PRPF18: variants seen among roughly 807,000 people sequenced by gnomAD.
PRPF18 encodes the protein pre-mRNA-splicing factor 18.
A neutral mutation model predicts 46.5 loss-of-function variants in PRPF18; 38 were observed. That is an observed-to-expected ratio of 0.82 (90% confidence interval 0.63 to 1.07). PRPF18 has a LOEUF of 1.07. Among genes scored for constraint, PRPF18 ranks in the 50% least tolerant of loss-of-function variants. The pLI is 0.00. For synonymous variants in PRPF18, 152 were observed against 146.7 expected (o/e 1.04, Z -0.26); for missense variants, 263 against 410.0 (o/e 0.64, Z 3.10).
intron 9 of PRPF18, among the ~76,000 whole-genome samples, chr10:13,624,563 G>C (rs2080470256): frequency 6.6e-6 from 1 of 152,194 alleles, no homozygotes; most frequent in Non-Finnish European, 1.5e-5. Flanking sequence ...CAGAAAATCG[G>C]GTTGCTTTTG....
the PRPF18 span, among the ~76,000 whole-genome samples, chr10:13,636,335 T>C: frequency 1.3e-5 from 2 of 152,240 alleles, no homozygotes; most frequent in Non-Finnish European, 2.9e-5. Flanking sequence ...GGAAGGATTG[T>C]GTGAGCCCAG....
rs1450710809 is a variant in PRPF18 at position 13,604,581 on chromosome 10, A to C, written c.250-1050A>C. Among the ~76,000 whole-genome samples the C allele has an allele frequency of 2.0e-5, 3 of 152,350 alleles. No individual in the cohort carries two copies. The East Asian group carries it at 5.8e-4, about 29-fold the overall frequency. The stretch of plus-strand genomic sequence containing the variant: ...GGTATTACAATGCAGACTGTCCATT[A>C]TGGTAATTATCAGCTGGCTTCAGAT... On this transcript the variant is annotated intron_variant, in intron 3 of 9. Coordinates refer to ENST00000378572, the MANE Select transcript of PRPF18 (RefSeq NM_003675.4).
At chr10:13,596,305 T>C (rs2080034561) in intron 1 of PRPF18, among the ~76,000 whole-genome samples, 1 of 152,232 alleles carries the variant, frequency 6.6e-6, no homozygotes, top group African/African-American at 2.4e-5. Flanking sequence ...TCGTAGACGA[T>C]GGCTGGGTAA....
At chr10:13,623,261 A>C (rs930096084) in intron 9 of PRPF18, among the ~76,000 whole-genome samples, 6 of 152,228 alleles carry the variant, frequency 3.9e-5, no homozygotes, top group African/African-American at 1.4e-4. Context: ...GTTTTAATGC[A>C]TGACTACAAA....
At chr10:13,597,397 C>CT (rs961722204) in intron 1 of PRPF18, 61 bp from the exon 2 acceptor site, 4 of 1,148,848 alleles carry the variant, frequency 3.5e-6, no homozygotes, top group Non-Finnish European at 4.9e-6. Context: ...TATTTGTTGA[C>CT]TATGGGACAT....
At chr10:13,605,061 A>G (rs1440735062) in intron 3 of PRPF18, among the ~76,000 whole-genome samples, 1 of 152,206 alleles carries the variant, frequency 6.6e-6, no homozygotes, top group African/African-American at 2.4e-5. Context: ...TCAGTGATAA[A>G]ATTAATAACA....
the PRPF18 span, chr10:13,651,153 G>C: frequency 6.6e-6 from 1 of 152,246 alleles, no homozygotes; most frequent in African/African-American, 2.4e-5. Flanking sequence ...AGGTTCAGTA[G>C]GCCAGGGTGG....
chr10:13,654,056 C>G, the PRPF18 span: 2 of 440,030 alleles, frequency 4.5e-6, no homozygotes, highest in Non-Finnish European at 8.0e-6. Flanking sequence ...TCTCTTTCTC[C>G]CCCTGACATT....
chr10:13,623,735 T>A (rs369358703), intron 9 of PRPF18, among the ~76,000 whole-genome samples: 5 of 152,310 alleles, frequency 3.3e-5, no homozygotes, highest in African/African-American at 1.2e-4. Flanking sequence ...ATAAAAAAAT[T>A]GCTAATCTTT....
At chr10:13,608,590 C>A (rs2080224441) in intron 4 of PRPF18, among the ~76,000 whole-genome samples, 1 of 152,236 alleles carries the variant, frequency 6.6e-6, no homozygotes, top group African/African-American at 2.4e-5. Flanking sequence ...CTTTCACATG[C>A]AATTCAGTGA....
chr10:13,655,527 C>A, the PRPF18 span: 4 of 142,648 alleles, frequency 2.8e-5, no homozygotes. Context: ...TGGAGCTTGT[C>A]ATTTGGCCAG....
rs1422452821 is a variant in PRPF18, at chr10:13,611,612, C to A, written c.511-3C>A. ...AACAGAAGCATTGTTTCTTTTTCTT[C>A]AGGCGCTTGGAGAGTCCTTAGGGAA... On this transcript the variant is annotated splice_polypyrimidine_tract_variant and splice_region_variant and intron_variant, in intron 5 of 9. Coordinates refer to ENST00000378572, the MANE Select transcript of PRPF18 (RefSeq NM_003675.4). 1.7e-5 allele frequency: 28 copies of A among 1,612,336 alleles called. No individual in the cohort carries two copies. The highest frequency in any genetic ancestry group is 2.3e-5 in the Non-Finnish European group (27 of 1,179,018).
At chr10:13,650,139 A>C in the PRPF18 span, among the ~76,000 whole-genome samples, 1 of 152,220 alleles carries the variant, frequency 6.6e-6, no homozygotes, top group Non-Finnish European at 1.5e-5. Context: ...CCCACATCTC[A>C]CAGGGTTTTG....
chr10:13,591,862 G>A (rs374977574), intron 1 of PRPF18: 41 of 1,426,776 alleles, frequency 2.9e-5, no homozygotes, highest in Non-Finnish European at 3.6e-5. Flanking sequence ...GTGGAATCCA[G>A]TGAGGATGAT....
chr10:13,622,897 G>C (rs2080440325), intron 9 of PRPF18, among the ~76,000 whole-genome samples: 1 of 152,110 alleles, frequency 6.6e-6, no homozygotes, highest in South Asian at 2.1e-4. Flanking sequence ...CAATATATTT[G>C]TGTGAAAAGA....
At chr10:13,639,181 G>A in the PRPF18 span, 2 of 103,638 alleles carry the variant, frequency 1.9e-5, no homozygotes, top group African/African-American at 6.2e-5. Context: ...AGCCACAGAT[G>A]GAACTGATGT....
At chr10:13,609,434 C>G (rs756462192) in intron 4 of PRPF18, among the ~76,000 whole-genome samples, 1 of 152,126 alleles carries the variant, frequency 6.6e-6, no homozygotes, top group Non-Finnish European at 1.5e-5. Flanking sequence ...ACCCTATAGC[C>G]GCCTCACAGC....
At chr10:13,598,998 G>T (rs2080070990) in intron 2 of PRPF18, among the ~76,000 whole-genome samples, 1 of 152,156 alleles carries the variant, frequency 6.6e-6, no homozygotes, top group Non-Finnish European at 1.5e-5. Context: ...TTCGAGTCCA[G>T]CTCATGAAAT....
the PRPF18 span, chr10:13,644,745 T>C: frequency 6.6e-6 from 1 of 152,178 alleles, no homozygotes; most frequent in African/African-American, 2.4e-5. Flanking sequence ...TGAATCTTCT[T>C]TGGGAGAAAG....
Sources: allele counts gnomAD v4.1 joint callset (sites outside exome capture counted in the v4.1 genomes callset), GRCh38; gene constraint gnomAD v4.1.1; transcripts MANE v1.5; gene names NCBI Gene and HGNC (gene_info 2026-07-23, HGNC 2026-07-21).